Variants in MOGAT1 observed in about 807,000 individuals in gnomAD.
MOGAT1 encodes 2-acylglycerol O-acyltransferase 1.
A neutral mutation model predicts 31.4 loss-of-function variants in MOGAT1; 32 were observed. That is an observed-to-expected ratio of 1.02 (90% CI 0.77 to 1.37). MOGAT1 has a LOEUF of 1.37. MOGAT1 is among the 40% of genes most tolerant of loss of function. MOGAT1 has a pLI of 0.00. For missense variants in MOGAT1, 426 were observed against 402.0 expected, an observed-to-expected ratio of 1.06 and a Z score of -0.51; for synonymous variants, 145 against 144.5, an observed-to-expected ratio of 1.00 and a Z score of -0.03.
At chr2:222,689,206 A>G (rs1040865808) in intron 2 of MOGAT1, 59 bp from the exon 3 acceptor site, 1 of 1,394,882 alleles carries the variant, frequency 7.2e-7, no homozygotes, top group Non-Finnish European at 9.7e-7. Flanking sequence ...TTTGTTTCTC[A>G]TTGGAAAATA....
intron 1 of MOGAT1, among the ~76,000 whole-genome samples, chr2:222,682,748 A>G (rs1160223049): frequency 6.6e-6 from 1 of 152,240 alleles, no homozygotes; most frequent in Non-Finnish European, 1.5e-5. Flanking sequence ...GTTCGGCTAT[A>G]AAAAGGAATG....
chr2:222,701,130 C>T (rs557607282), intron 5 of MOGAT1, among the ~76,000 whole-genome samples: 2 of 152,102 alleles, frequency 1.3e-5, no homozygotes, highest in Non-Finnish European at 2.9e-5. Flanking sequence ...CGCGGTGGCT[C>T]ACGCCTGTAA....
intron 4 of MOGAT1, 23 bp downstream of exon 4, chr2:222,694,559 T>A (rs1559232170): frequency 6.2e-7 from 1 of 1,605,578 alleles, no homozygotes; most frequent in African/African-American, 1.3e-5. Context: ...TTGTATAAAG[T>A]AGGGGGTCAG....
chr2:222,674,266 A>C (rs1692464488), intron 1 of MOGAT1, among the ~76,000 whole-genome samples: 1 of 152,252 alleles, frequency 6.6e-6, no homozygotes, highest in Non-Finnish European at 1.5e-5. Context: ...CATTAGTGTT[A>C]GCAGGAGCAT....
chr2:222,707,439 GGGGAAA>G (rs755995253), intron 5 of MOGAT1, among the ~76,000 whole-genome samples: 22 of 151,882 alleles, frequency 1.4e-4, no homozygotes, highest in East Asian at 5.8e-4. Context: ...AGGCAAGGAA[GGGGAAA>G]GGGAAAGGGA....
chr2:222,676,122 C>T (rs13414696), intron 1 of MOGAT1, among the ~76,000 whole-genome samples: 3,105 of 151,576 alleles, frequency 0.02, 121 homozygotes, highest in African/African-American at 0.071. Flanking sequence ...TGGCCCCCAA[C>T]CCCCCTTCCC....
intron 1 of MOGAT1, among the ~76,000 whole-genome samples, chr2:222,676,155 T>TA (rs1692494952): frequency 6.6e-6 from 1 of 151,922 alleles, no homozygotes; most frequent in Non-Finnish European, 1.5e-5. Flanking sequence ...ATCTCCTTTT[T>TA]TTTTTTTTTT....
rs538349450 is a variant in MOGAT1 at position 222,688,039 on chromosome 2, T to A, written c.95-305T>A. Reference sequence around the variant, plus strand: ...AAAAAGAACATTATGGCTCAGTGTTTCCTCTACCGATTCCTTCCACCTCCC... The same window carrying A: ...AAAAAGAACATTATGGCTCAGTGTTACCTCTACCGATTCCTTCCACCTCCC... On this transcript the variant is annotated intron_variant, in intron 1 of 5. Transcript: ENST00000446656. 7.2e-5 allele frequency among the ~76,000 whole-genome samples: 11 copies of A among 152,302 alleles called. No homozygotes were observed. The South Asian group carries it at 2.3e-3, about 32-fold the overall frequency.
chr2:222,695,881 C>G (rs1400011348), intron 5 of MOGAT1, among the ~76,000 whole-genome samples: 2 of 152,026 alleles, frequency 1.3e-5, no homozygotes, highest in African/African-American at 4.8e-5. Flanking sequence ...AGTGTATACT[C>G]CACCCAATAT....
intron 1 of MOGAT1, among the ~76,000 whole-genome samples, chr2:222,687,605 G>A (rs942834915): frequency 5.9e-5 from 9 of 152,202 alleles, no homozygotes; most frequent in African/African-American, 9.6e-5. Flanking sequence ...TTTTTGCCCC[G>A]TGTATTTTGA....
At chr2:222,685,787 G>C (rs1037411631) in intron 1 of MOGAT1, among the ~76,000 whole-genome samples, 1 of 151,782 alleles carries the variant, frequency 6.6e-6, no homozygotes, top group Non-Finnish European at 1.5e-5. Context: ...TTTTAGTAGA[G>C]ACAGGGTTTC....
chr2:222,672,029 G>A, intron 1 of MOGAT1, 150 bp downstream of exon 1: 1 of 620,474 alleles, frequency 1.6e-6, no homozygotes, highest in South Asian at 2.1e-5. Context: ...GAGCTAACGT[G>A]GACTCTGGTT....
intron 1 of MOGAT1, among the ~76,000 whole-genome samples, chr2:222,680,655 C>T (rs1400470428): frequency 4.6e-5 from 7 of 152,024 alleles, no homozygotes; most frequent in East Asian, 3.9e-4. Context: ...ATAGTGTCTC[C>T]GGGAATAAGA....
intron 3 of MOGAT1, among the ~76,000 whole-genome samples, chr2:222,693,678 C>T (rs1692798449): frequency 6.6e-6 from 1 of 151,918 alleles, no homozygotes; most frequent in Non-Finnish European, 1.5e-5. Flanking sequence ...ATGAAACAAT[C>T]AGATCTCATG....
intron 5 of MOGAT1, among the ~76,000 whole-genome samples, chr2:222,702,079 T>G (rs560775230): frequency 6.6e-6 from 1 of 152,322 alleles, no homozygotes; most frequent in East Asian, 1.9e-4. Flanking sequence ...CTTTCAAATG[T>G]GTTTCTAGTT....
chr2:222,704,109 T>C lies in MOGAT1; in HGVS notation c.854-5627T>C, dbSNP rs78266145. Reference sequence around the variant, plus strand: ...ACAAAAGCTATGATTCCTGACTCTGTCACAAGTAGGCGTTGGCAGCTTTTT... The same window carrying C: ...ACAAAAGCTATGATTCCTGACTCTGCCACAAGTAGGCGTTGGCAGCTTTTT... On this transcript the variant is annotated intron_variant, in intron 5 of 5. Coordinates refer to ENST00000446656, the MANE Select transcript of MOGAT1 (RefSeq NM_058165.3). Among the ~76,000 whole-genome samples, 572 of 152,330 alleles carry C rather than the reference T, an allele frequency of 3.8e-3. 2 individuals are homozygous for C. The highest frequency in any genetic ancestry group is 0.013 in the African/African-American group (533 of 41,574).
intron 1 of MOGAT1, among the ~76,000 whole-genome samples, chr2:222,679,204 A>G (rs192544333): frequency 5.3e-5 from 8 of 152,244 alleles, no homozygotes; most frequent in Non-Finnish European, 8.8e-5. Flanking sequence ...CCATATATGC[A>G]TGGGTTTATT....
rs76880314 is a variant in MOGAT1 at position 222,687,604 on chromosome 2, C to T, written c.95-740C>T. On this transcript the variant is annotated intron_variant, in intron 1 of 5. Coordinates refer to ENST00000446656, the MANE Select transcript of MOGAT1 (RefSeq NM_058165.3). ...AGTCAAGTTTTGACAGTTTTTGCCC[C>T]GTGTATTTTGAAGCTATGTTATTAG... Among the ~76,000 whole-genome samples the T allele has an allele frequency of 4.8e-3, 732 of 152,244 alleles. 8 individuals carry two copies. The highest frequency in any genetic ancestry group is 0.012 in the African/African-American group (509 of 41,542).
At chr2:222,680,642 A>T (rs1435427231) in intron 1 of MOGAT1, among the ~76,000 whole-genome samples, 4 of 152,194 alleles carry the variant, frequency 2.6e-5, no homozygotes, top group Admixed American at 2.0e-4. Context: ...GTATTTAAAA[A>T]ATATAGTGTC....
Sources: allele counts gnomAD v4.1 joint callset (sites outside exome capture counted in the v4.1 genomes callset), GRCh38; gene constraint gnomAD v4.1.1; transcripts MANE v1.5; gene names NCBI Gene and HGNC (gene_info 2026-07-23, HGNC 2026-07-21).